The following ADGRL3 variants were observed in gnomAD, a reference collection of about 807,000 sequenced individuals.
ADGRL3 encodes the protein adhesion G protein-coupled receptor L3.
A neutral mutation model predicts 153.5 loss-of-function variants in ADGRL3; 62 were observed. That is an observed-to-expected ratio of 0.40 (90% CI 0.33 to 0.50). ADGRL3 has a LOEUF of 0.50. ADGRL3 is among the 20% of genes least tolerant of loss of function. The pLI, the probability that ADGRL3 is intolerant of heterozygous loss-of-function variation, is 0.47. For missense variants in ADGRL3, 1,641 were observed against 1,859.4 expected (o/e 0.88, Z 2.16); for synonymous variants, 710 against 672.5 (o/e 1.06, Z -0.86).
chr4:61,991,917 A>G (rs1002299205), intron 19 of ADGRL3, among the ~76,000 whole-genome samples: 1 of 148,084 alleles, frequency 6.8e-6, no homozygotes, highest in Non-Finnish European at 1.5e-5. Flanking sequence ...ATATATAAAT[A>G]TATTTATAAT....
At chr4:61,941,227 A>C (rs1364624244) in intron 15 of ADGRL3, among the ~76,000 whole-genome samples, 33 of 126,394 alleles carry the variant, frequency 2.6e-4, no homozygotes, top group African/African-American at 1.0e-3. Context: ...GGTTTGTGAA[A>C]GATCAGATAG....
intron 1 of ADGRL3, among the ~76,000 whole-genome samples, chr4:61,234,105 G>A (rs1278958883): frequency 6.6e-6 from 1 of 152,058 alleles, no homozygotes; most frequent in Non-Finnish European, 1.5e-5. Context: ...TGGGCTAGAG[G>A]TATAGATTTT....
At chr4:61,336,669 T>C (rs1159539467) in intron 1 of ADGRL3, among the ~76,000 whole-genome samples, 1 of 151,972 alleles carries the variant, frequency 6.6e-6, no homozygotes, top group Admixed American at 6.6e-5. Context: ...CTGCCAGCCC[T>C]CTCTGTGGGA....
intron 12 of ADGRL3, among the ~76,000 whole-genome samples, chr4:61,912,488 T>G (rs2098726182): frequency 6.6e-6 from 1 of 152,170 alleles, no homozygotes; most frequent in Non-Finnish European, 1.5e-5. Context: ...ATTAACAACT[T>G]TATACCATAG....
intron 8 of ADGRL3, among the ~76,000 whole-genome samples, chr4:61,798,467 A>G (rs1343211736): frequency 6.6e-6 from 1 of 152,310 alleles, no homozygotes; most frequent in Non-Finnish European, 1.5e-5. Context: ...CATTAAATGC[A>G]GATGTGTGAA....
chr4:61,475,851 G>A (rs912707621), intron 2 of ADGRL3, among the ~76,000 whole-genome samples: 2 of 152,130 alleles, frequency 1.3e-5, no homozygotes, highest in Non-Finnish European at 2.9e-5. Context: ...TTAAGCGTAT[G>A]TGTAGATCAT....
intron 12 of ADGRL3, among the ~76,000 whole-genome samples, chr4:61,910,366 T>C (rs2098716612): frequency 6.6e-6 from 1 of 151,852 alleles, no homozygotes; most frequent in South Asian, 2.1e-4. Context: ...AATTTGAATT[T>C]GTAAGTAAAA....
intron 1 of ADGRL3, among the ~76,000 whole-genome samples, chr4:61,365,155 C>T (rs1189472439): frequency 2.0e-5 from 3 of 151,958 alleles, no homozygotes; most frequent in Non-Finnish European, 4.4e-5. Context: ...GCCCAGACAT[C>T]TCTTTAGCCA....
chr4:61,359,120 C>G (rs2096243446), intron 1 of ADGRL3, among the ~76,000 whole-genome samples: 1 of 152,170 alleles, frequency 6.6e-6, no homozygotes, highest in South Asian at 2.1e-4. Context: ...ATAAGCAAAT[C>G]CTATGGCTTC....
At chr4:61,462,236 T>C (rs1375449234) in intron 2 of ADGRL3, among the ~76,000 whole-genome samples, 2 of 152,168 alleles carry the variant, frequency 1.3e-5, no homozygotes, top group Non-Finnish European at 1.5e-5. Flanking sequence ...CCAGAAAGCT[T>C]CTGGATCCAC....
chr4:62,075,367 G>A lies in ADGRL3; in HGVS notation c.*4459G>A, dbSNP rs916265180. 1 of 151,914 alleles carries A rather than the reference G, an allele frequency of 6.6e-6. No homozygotes were observed. The highest frequency in any genetic ancestry group is 2.4e-5 in the African/African-American group (1 of 41,352). 9.4% of individuals were successfully genotyped at this position (151,914 alleles called of 1,614,324 possible). On this transcript the variant is annotated 3_prime_UTR_variant, in exon 27 of 27. Transcript: ENST00000683033. ...CACTTGGCCTGTGATGTATTGCAGA[G>A]GGAAAAAAACCAACACTACAGAAGT...
At chr4:62,042,795 A>G (rs1729072599) in intron 24 of ADGRL3, among the ~76,000 whole-genome samples, 1 of 152,088 alleles carries the variant, frequency 6.6e-6, no homozygotes, top group Non-Finnish European at 1.5e-5. Flanking sequence ...TCACAAAAGT[A>G]TACAAAACAT....
intron 5 of ADGRL3, among the ~76,000 whole-genome samples, chr4:61,618,640 G>C (rs1223320685): frequency 2.0e-5 from 3 of 152,094 alleles, no homozygotes; most frequent in Non-Finnish European, 4.4e-5. Flanking sequence ...TGGTGGTCTC[G>C]AGGTTCCAAT....
intron 1 of ADGRL3, among the ~76,000 whole-genome samples, chr4:61,292,998 G>A (rs2094281077): frequency 6.6e-6 from 1 of 152,124 alleles, no homozygotes; most frequent in Non-Finnish European, 1.5e-5. Context: ...AGACCATTCA[G>A]GTTAATCGTC....
intron 9 of ADGRL3, among the ~76,000 whole-genome samples, chr4:61,861,557 C>T (rs1035861787): frequency 9.9e-5 from 15 of 151,936 alleles, no homozygotes; most frequent in African/African-American, 3.6e-4. Context: ...TCTGTTGGTG[C>T]ACAATTACCT....
intron 1 of ADGRL3, among the ~76,000 whole-genome samples, chr4:61,273,893 A>G (rs1300592238): frequency 6.6e-6 from 1 of 152,178 alleles, no homozygotes; most frequent in Non-Finnish European, 1.5e-5. Flanking sequence ...TAGGCATAGA[A>G]GAATGGCATT....
chr4:61,972,205 T>C (rs1175914766), intron 17 of ADGRL3, among the ~76,000 whole-genome samples: 1 of 152,176 alleles, frequency 6.6e-6, no homozygotes, highest in African/African-American at 2.4e-5. Flanking sequence ...CCATTGCTTT[T>C]GGTGTTTTAG....
At chr4:61,510,551 T>C (rs771896433) in intron 3 of ADGRL3, among the ~76,000 whole-genome samples, 6 of 152,198 alleles carry the variant, frequency 3.9e-5, no homozygotes, top group Non-Finnish European at 7.3e-5. Flanking sequence ...GTTGACCTTG[T>C]TGAAGATCAG....
intron 6 of ADGRL3, among the ~76,000 whole-genome samples, chr4:61,701,301 G>A (rs1257865308): frequency 6.6e-6 from 1 of 152,112 alleles, no homozygotes; most frequent in Non-Finnish European, 1.5e-5. Flanking sequence ...CTGTAAGGCA[G>A]CCTATCTCAA....
Sources: allele counts gnomAD v4.1 joint callset (sites outside exome capture counted in the v4.1 genomes callset), GRCh38; gene constraint gnomAD v4.1.1; transcripts MANE v1.5; gene names NCBI Gene and HGNC (gene_info 2026-07-23, HGNC 2026-07-21).